The following KCNIP3 variants were observed in gnomAD, a reference collection of about 807,000 sequenced individuals.
KCNIP3 encodes potassium voltage-gated channel interacting protein 3.
Under a neutral mutation model 35.0 loss-of-function variants are expected in KCNIP3, and 28 were observed. The ratio of observed to expected loss-of-function variants is 0.80; its 90% confidence interval spans 0.59 to 1.10. The LOEUF is 1.10. Ranked by LOEUF, KCNIP3 falls within the 50% of genes least tolerant of loss-of-function variation. KCNIP3 has a pLI of 0.00. For missense variants in KCNIP3, 295 were observed against 338.4 expected, an observed-to-expected ratio of 0.87 and a Z score of 1.01; for synonymous variants, 134 against 133.8, an observed-to-expected ratio of 1.00 and a Z score of -0.01.
chr2:95,379,260 T>C (rs1680279466), intron 5 of KCNIP3, among the ~76,000 whole-genome samples: 1 of 152,264 alleles, frequency 6.6e-6, no homozygotes, highest in Non-Finnish European at 1.5e-5. Flanking sequence ...GACCCCTCGC[T>C]GAGGCTTGTT....
chr2:95,360,054 A>G (rs967089546), intron 2 of KCNIP3, among the ~76,000 whole-genome samples: 1 of 152,150 alleles, frequency 6.6e-6, no homozygotes, highest in African/African-American at 2.4e-5. Context: ...CTTTCATTTT[A>G]CTATATGATA....
Position 95,378,503 on chromosome 2 carries a change from G to A in KCNIP3, c.448-3093G>A, listed in dbSNP as rs919312538. Among the ~76,000 whole-genome samples the A allele has an allele frequency of 3.3e-5, 5 of 151,856 alleles. No individual in the cohort carries two copies. The highest frequency in any genetic ancestry group is 7.4e-5 in the Non-Finnish European group (5 of 67,990). ...CAATCCCAGCACTTTGAGAGGCCAA[G>A]GCGGTCAGATCACCTGAGGTCAGGA... On this transcript the variant is annotated intron_variant, in intron 5 of 8. Transcript: ENST00000295225. This position sits in a 1 kb window ranked among gnomAD's most constrained non-coding sequence, Gnocchi z 4.0.
chr2:95,374,254 G>A (rs780547183), intron 2 of KCNIP3, 42 bp from the exon 3 acceptor site: 1 of 1,599,946 alleles, frequency 6.3e-7, no homozygotes, highest in African/African-American at 1.3e-5. Context: ...TGGAGGAGCA[G>A]GGCTACAGGC....
intron 1 of KCNIP3, among the ~76,000 whole-genome samples, chr2:95,302,470 G>A (rs559878861): frequency 6.6e-6 from 1 of 152,302 alleles, no homozygotes; most frequent in Admixed American, 6.5e-5. Flanking sequence ...GCCTCCCCAC[G>A]TGATTCTGGC....
At chr2:95,308,884 C>T (rs968544735) in intron 1 of KCNIP3, among the ~76,000 whole-genome samples, 69 of 152,338 alleles carry the variant, frequency 4.5e-4, no homozygotes, top group African/African-American at 7.2e-4. Flanking sequence ...TTGACGGCCC[C>T]GTCCATCTGT....
At chr2:95,326,190 CACAT>C (rs753175885) in intron 2 of KCNIP3, among the ~76,000 whole-genome samples, 6 of 151,786 alleles carry the variant, frequency 4.0e-5, no homozygotes, top group African/African-American at 9.7e-5. Flanking sequence ...CAGTCATACA[CACAT>C]ACACGCACTC....
chr2:95,374,086 G>T (rs530467048), intron 2 of KCNIP3, among the ~76,000 whole-genome samples: 8 of 152,256 alleles, frequency 5.3e-5, no homozygotes, highest in Admixed American at 5.2e-4. Flanking sequence ...GGCCCGCCCT[G>T]TGGGGGGCAG....
intron 2 of KCNIP3, among the ~76,000 whole-genome samples, chr2:95,320,138 C>T (rs1275625349): frequency 3.3e-5 from 5 of 152,048 alleles, no homozygotes; most frequent in Non-Finnish European, 7.4e-5. Context: ...GACCCGGAGG[C>T]GCGGCTGAGA....
chr2:95,349,976 A>G (rs968066296), intron 2 of KCNIP3, among the ~76,000 whole-genome samples: 12 of 152,146 alleles, frequency 7.9e-5, no homozygotes, highest in Admixed American at 7.9e-4. Context: ...TCCATGTTTA[A>G]CACAGTGGGG....
chr2:95,362,072 G>A (rs916191263), intron 2 of KCNIP3, among the ~76,000 whole-genome samples: 13 of 151,836 alleles, frequency 8.6e-5, no homozygotes, highest in African/African-American at 3.1e-4. Context: ...CTGCATGCAC[G>A]TGGAGGCAGA....
intron 2 of KCNIP3, among the ~76,000 whole-genome samples, chr2:95,351,649 G>A (rs1229332399): frequency 6.6e-6 from 1 of 152,238 alleles, no homozygotes; most frequent in African/African-American, 2.4e-5. Context: ...TGTCATGCCT[G>A]AAACCAAAAC....
chr2:95,357,505 G>T (rs948174013), intron 2 of KCNIP3, among the ~76,000 whole-genome samples: 3 of 152,136 alleles, frequency 2.0e-5, no homozygotes, highest in African/African-American at 7.2e-5. Flanking sequence ...AGCTCCGGTC[G>T]TCTAGAGGCT....
intron 2 of KCNIP3, among the ~76,000 whole-genome samples, chr2:95,349,861 G>GC (rs1416102207): frequency 6.6e-6 from 1 of 152,222 alleles, no homozygotes. Flanking sequence ...TGCTGGGACG[G>GC]CCCCGAGGGC....
intron 2 of KCNIP3, among the ~76,000 whole-genome samples, chr2:95,365,958 T>G (rs1679907242): frequency 6.6e-6 from 1 of 152,090 alleles, no homozygotes; most frequent in Admixed American, 6.5e-5. Context: ...AACAATTTAT[T>G]TTAATTTAAT....
chr2:95,346,485 C>A (rs917291062), intron 2 of KCNIP3, among the ~76,000 whole-genome samples: 2 of 149,936 alleles, frequency 1.3e-5, no homozygotes, highest in Non-Finnish European at 3.0e-5. Flanking sequence ...CCCGGGCAGG[C>A]GCGGGGGGGC....
intron 2 of KCNIP3, among the ~76,000 whole-genome samples, chr2:95,314,641 T>C (rs1415058541): frequency 1.3e-5 from 2 of 152,380 alleles, no homozygotes; most frequent in East Asian, 3.9e-4. Flanking sequence ...CACTGGCCGA[T>C]GGCCCTTGAT....
At chr2:95,310,311 C>T (rs369238634) in intron 1 of KCNIP3, 44 bp from the exon 2 acceptor site, 1 of 1,613,020 alleles carries the variant, frequency 6.2e-7, no homozygotes, top group Non-Finnish European at 8.5e-7. Flanking sequence ...GGGGTCCCCC[C>T]TCTGAGCAGG....
chr2:95,324,659 TC>T (rs1169313662), intron 2 of KCNIP3, among the ~76,000 whole-genome samples: 7 of 152,162 alleles, frequency 4.6e-5, no homozygotes, highest in South Asian at 2.1e-4. Context: ...ACGCCTGTAA[TC>T]CCAGCACTTT....
intron 1 of KCNIP3, among the ~76,000 whole-genome samples, chr2:95,307,238 G>T (rs943537690): frequency 1.3e-5 from 2 of 152,160 alleles, no homozygotes; most frequent in African/African-American, 4.8e-5. Context: ...ACACACTGGG[G>T]CCCCCTAGCC....
Sources: allele counts gnomAD v4.1 joint callset (sites outside exome capture counted in the v4.1 genomes callset), GRCh38; gene constraint gnomAD v4.1.1; non-coding constraint Gnocchi (gnomAD v3.1); transcripts MANE v1.5; gene names NCBI Gene and HGNC (gene_info 2026-07-23, HGNC 2026-07-21).